Variants in DYNC1I1 observed in about 807,000 individuals in gnomAD.
DYNC1I1 encodes the protein dynein cytoplasmic 1 intermediate chain 1.
Under a neutral mutation model 86.6 loss-of-function variants are expected in DYNC1I1, and 43 were observed. The ratio of observed to expected loss-of-function variants is 0.50; its 90% CI spans 0.39 to 0.64. DYNC1I1 has a LOEUF of 0.64. Among genes scored for constraint, DYNC1I1 ranks in the 30% least tolerant of loss-of-function variants. DYNC1I1 has a pLI of 0.00. For missense variants in DYNC1I1, 604 were observed against 788.8 expected (o/e 0.77, Z 2.81); for synonymous variants, 262 against 283.7 (o/e 0.92, Z 0.77).
At chr7:96,061,605 A>G (rs1347356515) in intron 14 of DYNC1I1, among the ~76,000 whole-genome samples, 1 of 151,960 alleles carries the variant, frequency 6.6e-6, no homozygotes, top group African/African-American at 2.4e-5. Flanking sequence ...CCACTTCCCA[A>G]TAGTGAGCCG....
chr7:95,828,181 G>A, intron 5 of DYNC1I1, 65 bp downstream of exon 5: 2 of 1,572,108 alleles, frequency 1.3e-6, no homozygotes, highest in Non-Finnish European at 1.8e-6. Flanking sequence ...TGAAATGCTG[G>A]AGCTGTTGTT....
At chr7:95,954,404 T>C (rs1792647183) in intron 6 of DYNC1I1, among the ~76,000 whole-genome samples, 1 of 151,886 alleles carries the variant, frequency 6.6e-6, no homozygotes, top group Non-Finnish European at 1.5e-5. Context: ...TGCAACTGTA[T>C]TGGACAACAT....
chr7:96,066,115 T>A lies in DYNC1I1; in HGVS notation c.1510-9942T>A, dbSNP rs537651840. Among the ~76,000 whole-genome samples the A allele has an allele frequency of 5.3e-5, 8 of 152,342 alleles. No individual in the cohort carries two copies. In the South Asian group the frequency reaches 1.7e-3, roughly 32 times the overall value. ...AAAATTATTTTGTTTTCATTATTTC[T>A]TAGGACAAATCCTCAGAGTTCACTC... On this transcript the variant is annotated intron_variant, in intron 14 of 16. Transcript: ENST00000447467.
At chr7:95,886,445 C>T (rs1790594604) in intron 6 of DYNC1I1, among the ~76,000 whole-genome samples, 1 of 149,800 alleles carries the variant, frequency 6.7e-6, no homozygotes, top group South Asian at 2.1e-4. Context: ...AAAAATAAAG[C>T]AAAACAAAAC....
chr7:95,812,857 T>A (rs1284022055), intron 3 of DYNC1I1, among the ~76,000 whole-genome samples: 1 of 152,152 alleles, frequency 6.6e-6, no homozygotes, highest in Non-Finnish European at 1.5e-5. Context: ...CACCTTGTTT[T>A]ATTTTTAATA....
chr7:95,982,628 A>T (rs1313218622), intron 7 of DYNC1I1, among the ~76,000 whole-genome samples: 2 of 152,206 alleles, frequency 1.3e-5, no homozygotes, highest in Non-Finnish European at 2.9e-5. Flanking sequence ...TTAATATCTT[A>T]AAAAATAAAG....
intron 14 of DYNC1I1, among the ~76,000 whole-genome samples, chr7:96,058,800 A>ATTTTT (rs35348142): frequency 5.1e-5 from 5 of 98,730 alleles, no homozygotes; most frequent in South Asian, 3.8e-4. Flanking sequence ...TGCCTGGCTA[A>ATTTTT]TTTTTTTTTT....
At chr7:95,785,809 A>G (rs1794128116) in intron 1 of DYNC1I1, among the ~76,000 whole-genome samples, 3 of 125,742 alleles carry the variant, frequency 2.4e-5, no homozygotes, top group South Asian at 2.4e-4. Flanking sequence ...ATATATATAT[A>G]TATATATATT....
intron 6 of DYNC1I1, among the ~76,000 whole-genome samples, chr7:95,899,441 G>A (rs1790976561): frequency 6.6e-6 from 1 of 152,188 alleles, no homozygotes; most frequent in Non-Finnish European, 1.5e-5. Context: ...TCAAGTCAGA[G>A]GTCAGCGTTT....
intron 1 of DYNC1I1, among the ~76,000 whole-genome samples, chr7:95,775,442 C>T (rs1793816641): frequency 6.6e-6 from 1 of 152,178 alleles, no homozygotes; most frequent in Admixed American, 6.5e-5. Context: ...CAAATGAGAT[C>T]TCTCCAAAGA....
chr7:96,071,704 T>C (rs1327655490), intron 14 of DYNC1I1, among the ~76,000 whole-genome samples: 1 of 152,228 alleles, frequency 6.6e-6, no homozygotes, highest in Non-Finnish European at 1.5e-5. Flanking sequence ...CACAAGGTGC[T>C]AAAGACTCTT....
At chr7:95,961,677 A>T (rs79416821) in intron 6 of DYNC1I1, among the ~76,000 whole-genome samples, 4,234 of 152,338 alleles carry the variant, frequency 0.028, 81 homozygotes, top group South Asian at 0.099. Context: ...AGGTTGGCAC[A>T]TATGGTAGAA....
At chr7:96,095,583 T>C (rs1167040255) in intron 16 of DYNC1I1, among the ~76,000 whole-genome samples, 11 of 152,166 alleles carry the variant, frequency 7.2e-5, no homozygotes, top group Admixed American at 7.2e-4. Context: ...AGCTTGATTC[T>C]TACTTTATAT....
intron 8 of DYNC1I1, among the ~76,000 whole-genome samples, chr7:95,985,684 T>A (rs963206154): frequency 6.6e-5 from 10 of 152,150 alleles, no homozygotes; most frequent in African/African-American, 2.4e-4. Flanking sequence ...GAATGATATG[T>A]GAAGGTAGGG....
At chr7:96,029,480 A>G (rs1434524732) in intron 11 of DYNC1I1, among the ~76,000 whole-genome samples, 1 of 152,200 alleles carries the variant, frequency 6.6e-6, no homozygotes, top group Non-Finnish European at 1.5e-5. Flanking sequence ...AAATGTTAGA[A>G]CATTTAGCAG....
chr7:95,940,914 C>A (rs527995870), intron 6 of DYNC1I1, among the ~76,000 whole-genome samples: 1 of 152,208 alleles, frequency 6.6e-6, no homozygotes, highest in South Asian at 2.1e-4. Context: ...CTGTTTTTTC[C>A]CCATCTTCAT....
intron 6 of DYNC1I1, among the ~76,000 whole-genome samples, chr7:95,936,990 A>ACACACACACACACACACACACAC (rs1562949165): frequency 1.3e-5 from 2 of 151,752 alleles, no homozygotes; most frequent in African/African-American, 2.4e-5. Flanking sequence ...ACACACACAC[A>ACACACACACACACACACACACAC]AATACTATTC....
rs569246041 is a variant in DYNC1I1, at chr7:96,038,380, A to G, written c.1365-897A>G. 3.9e-5 allele frequency among the ~76,000 whole-genome samples: 6 copies of G among 152,282 alleles called. No individual in the cohort carries two copies. The South Asian group carries it at 8.3e-4, about 21-fold the overall frequency. ...TGGTATGTTTTCTCACATCTTCCTA[A>G]TTGTATATGATTGCATGCAGAATAC... On this transcript the variant is annotated intron_variant, in intron 13 of 16. Coordinates refer to ENST00000447467, the MANE Select transcript of DYNC1I1 (RefSeq NM_001135556.2).
intron 10 of DYNC1I1, among the ~76,000 whole-genome samples, chr7:96,024,765 T>C (rs1794636678): frequency 6.6e-6 from 1 of 152,198 alleles, no homozygotes; most frequent in Non-Finnish European, 1.5e-5. Flanking sequence ...TTATTAGTAG[T>C]GTCAACCAAT....
Sources: allele counts gnomAD v4.1 joint callset (sites outside exome capture counted in the v4.1 genomes callset), GRCh38; gene constraint gnomAD v4.1.1; transcripts MANE v1.5; gene names NCBI Gene and HGNC (gene_info 2026-07-23, HGNC 2026-07-21).